DHRSX: variants seen among roughly 807,000 people sequenced by gnomAD.
DHRSX encodes polyprenol dehydrogenase.
Under a neutral mutation model 34.0 loss-of-function variants are expected in DHRSX, and 31 were observed. The ratio of observed to expected loss-of-function variants is 0.91; its 90% confidence interval spans 0.69 to 1.23. The LOEUF is 1.23. Among genes scored for constraint, DHRSX ranks in the 50% most tolerant of loss-of-function variants. The probability of loss-of-function intolerance (pLI) is 0.00; values close to 1 mark genes in which losing one functional copy is unlikely to be tolerated. For missense variants in DHRSX, 414 were observed against 428.1 expected, an observed-to-expected ratio of 0.97 and a Z score of 0.29; for synonymous variants, 201 against 183.8, an observed-to-expected ratio of 1.09 and a Z score of -0.76.
At chrX:2,340,187 C>T (rs2042622917) in intron 3 of DHRSX, among the ~76,000 whole-genome samples, 3 of 141,566 alleles carry the variant, frequency 2.1e-5, no homozygotes, top group African/African-American at 2.7e-5. Flanking sequence ...TGGGGCCTGT[C>T]GAGGGGTGGG....
At chrX:2,400,025 G>A (rs1019628486) in intron 3 of DHRSX, among the ~76,000 whole-genome samples, 28 of 152,160 alleles carry the variant, frequency 1.8e-4, no homozygotes, top group African/African-American at 6.8e-4. Flanking sequence ...GACAGAGCAA[G>A]ACCTTGTCTC....
chrX:2,418,239 A>T (rs1275265516), intron 2 of DHRSX, among the ~76,000 whole-genome samples: 2 of 152,178 alleles, frequency 1.3e-5, no homozygotes, highest in East Asian at 1.9e-4. Context: ...AGTCATCATG[A>T]TCTAATCGAA....
chrX:2,486,109 C>G (rs1009380806), intron 1 of DHRSX, among the ~76,000 whole-genome samples: 1 of 151,934 alleles, frequency 6.6e-6, no homozygotes, highest in Non-Finnish European at 1.5e-5. Flanking sequence ...GTCCATGGGG[C>G]CTCCGTTTAT....
intron 3 of DHRSX, among the ~76,000 whole-genome samples, chrX:2,377,453 T>G (rs2043154489): frequency 6.6e-6 from 1 of 151,918 alleles, no homozygotes; most frequent in African/African-American, 2.4e-5. Flanking sequence ...GTTCTCAATC[T>G]TCTGATAATC....
At chrX:2,354,191 G>C (rs1186204551) in intron 3 of DHRSX, among the ~76,000 whole-genome samples, 3 of 152,142 alleles carry the variant, frequency 2.0e-5, no homozygotes, top group Non-Finnish European at 2.9e-5. Context: ...CCAGCCACTG[G>C]AAACACCAGA....
At chrX:2,238,183 G>A (rs1448809553) in intron 6 of DHRSX, among the ~76,000 whole-genome samples, 2 of 151,970 alleles carry the variant, frequency 1.3e-5, no homozygotes, top group African/African-American at 2.4e-5. Context: ...GCAAGACCTC[G>A]GCTCTACCAA....
At chrX:2,386,989 C>G (rs376287901) in intron 3 of DHRSX, among the ~76,000 whole-genome samples, 10 of 151,540 alleles carry the variant, frequency 6.6e-5, no homozygotes, top group African/African-American at 2.4e-4. Context: ...TTCTTAGAGG[C>G]CCAGTCATCA....
chrX:2,291,630 C>T (rs1410649185), intron 3 of DHRSX, 27 bp from the exon 4 acceptor site: 19 of 1,541,508 alleles, frequency 1.2e-5, no homozygotes, highest in Admixed American at 3.3e-5. Context: ...ACAAAAAATA[C>T]CTGGTTATCT....
At chrX:2,456,920 G>T (rs1475251942) in intron 1 of DHRSX, among the ~76,000 whole-genome samples, 1 of 152,070 alleles carries the variant, frequency 6.6e-6, no homozygotes, top group African/African-American at 2.4e-5. Flanking sequence ...GGTAGCAAGG[G>T]TGTAGGGAAA....
At chrX:2,381,348 T>C (rs2043200242) in intron 3 of DHRSX, among the ~76,000 whole-genome samples, 2 of 152,182 alleles carry the variant, frequency 1.3e-5, no homozygotes, top group Admixed American at 6.6e-5. Flanking sequence ...AGGCACCGTC[T>C]GTGAACCAGG....
At chrX:2,371,568 C>T (rs1254113186) in intron 3 of DHRSX, among the ~76,000 whole-genome samples, 2 of 151,424 alleles carry the variant, frequency 1.3e-5, no homozygotes, top group East Asian at 2.0e-4. Flanking sequence ...GTCCCTCCTT[C>T]CATTACCATA....
intron 1 of DHRSX, among the ~76,000 whole-genome samples, chrX:2,477,950 T>TG (rs2044706456): frequency 6.6e-6 from 1 of 152,046 alleles, no homozygotes; most frequent in South Asian, 2.1e-4. Flanking sequence ...TTCTAAGGTT[T>TG]CTCTCCTGTC....
At chrX:2,230,160 GA>G (rs2015840239) in intron 6 of DHRSX, among the ~76,000 whole-genome samples, 1 of 152,158 alleles carries the variant, frequency 6.6e-6, no homozygotes, top group Non-Finnish European at 1.5e-5. Context: ...GCATGTGTGG[GA>G]GGGGTGCAGG....
intron 5 of DHRSX, 24 bp downstream of exon 5, chrX:2,266,716 T>C (rs913824853): frequency 2.5e-6 from 4 of 1,609,404 alleles, no homozygotes; most frequent in Admixed American, 3.3e-5. Context: ...GATGCTGTTA[T>C]GATTATTCAC....
intron 6 of DHRSX, among the ~76,000 whole-genome samples, chrX:2,238,925 T>C (rs751717494): frequency 7.9e-5 from 12 of 152,216 alleles, no homozygotes; most frequent in East Asian, 3.9e-4. Flanking sequence ...CATGCATGCA[T>C]GCATACACAC....
intron 2 of DHRSX, among the ~76,000 whole-genome samples, chrX:2,418,621 T>C (rs2043727510): frequency 6.6e-6 from 1 of 152,216 alleles, no homozygotes; most frequent in East Asian, 1.9e-4. Context: ...CAGTAATGGA[T>C]GTGAGCCCTC....
chrX:2,409,255 G>A (rs113198767), intron 2 of DHRSX, among the ~76,000 whole-genome samples: 14,862 of 152,148 alleles, frequency 0.098, 830 homozygotes, highest in East Asian at 0.18. Flanking sequence ...TTCCTACTAC[G>A]TGCTCAGGAT....
rs1287794771 is a variant in DHRSX, at chrX:2,219,567, C to A, written c.*1474G>T. The A allele has an allele frequency of 2.0e-5, 3 of 152,098 alleles. No homozygotes were observed. Among genetic ancestry groups the A allele is most frequent in the African/African-American group, 7.2e-5 (3 of 41,406 alleles). The allele number at this position is 152,098 out of a possible 1,614,324, so 9.4% of individuals were successfully genotyped here. ...TTTTCATTTAAGTTGCTTATCAGGG[C>A]AACCTTCCCCATCTGGGAACAATCT... On this transcript the variant is annotated 3_prime_UTR_variant, in exon 7 of 7. Transcript: ENST00000334651.
At chrX:2,320,414 C>T (rs1245986004) in intron 3 of DHRSX, among the ~76,000 whole-genome samples, 1 of 144,766 alleles carries the variant, frequency 6.9e-6, no homozygotes, top group Non-Finnish European at 1.5e-5. Context: ...CCTCCCTAAT[C>T]CTCCTGAGTA....
Sources: gnomAD v4.1 joint callset for allele counts (sites outside exome capture counted in the v4.1 genomes callset) on GRCh38, gnomAD v4.1.1 for gene constraint, MANE v1.5 for transcripts, NCBI Gene and HGNC (gene_info 2026-07-23, HGNC 2026-07-21) for gene names.